The following ZNF185 variants were observed in gnomAD, a reference collection of about 807,000 sequenced individuals.
ZNF185 encodes the protein zinc finger protein 185.
A neutral mutation model predicts 58.6 loss-of-function variants in ZNF185; 56 were observed. That is an observed-to-expected ratio of 0.95 (90% CI 0.77 to 1.19). The LOEUF (loss-of-function observed/expected upper bound fraction) is 1.19. Among genes scored for constraint, ZNF185 ranks in the 50% most tolerant of loss-of-function variants. The pLI is 0.00. For missense variants in ZNF185, 627 were observed against 573.5 expected (o/e 1.09, Z -0.95); for synonymous variants, 230 against 215.9 (o/e 1.07, Z -0.57).
At chrX:152,928,657 A>C (rs1556874808) in exon 12 of ZNF185, 1 of 1,210,738 alleles carries the variant, frequency 8.3e-7, no homozygotes, top group South Asian at 1.8e-5. Flanking sequence ...CGTGGAAGGC[A>C]TGAGGTATGG....
chrX:152,921,860 G>A lies in ZNF185; in HGVS notation c.657-313G>A, dbSNP rs149868955. On this transcript the variant is annotated intron_variant, in intron 9 of 22. Transcript: ENST00000449285. ...ATTTCCCTCTTCTTACAAGGACAGC[G>A]GTCATTGGATTTAGGACCCATCCTA... 4.5e-3 allele frequency among the ~76,000 whole-genome samples: 504 copies of A among 111,429 alleles called. 4 individuals carry two copies. Among genetic ancestry groups the A allele is most frequent in the African/African-American group, 0.015 (474 of 30,602 alleles).
chrX:152,905,714 G>GC, the ZNF185 span, among the ~76,000 whole-genome samples: 296 of 76,712 alleles, frequency 3.9e-3, 2 homozygotes, highest in African/African-American at 0.018. Flanking sequence ...AGACAGGCTT[G>GC]GGGGGGGGGC....
chrX:152,935,070 G>A (rs1471935773), intron 14 of ZNF185, among the ~76,000 whole-genome samples: 1 of 111,018 alleles, frequency 9.0e-6, no homozygotes, highest in Non-Finnish European at 1.9e-5. Context: ...GCAGTCCACC[G>A]ACCTCAGCCT....
chrX:152,964,516 G>C (rs1569516991), intron 18 of ZNF185, among the ~76,000 whole-genome samples: 1 of 112,008 alleles, frequency 8.9e-6, no homozygotes, highest in Non-Finnish European at 1.9e-5. Context: ...GAAACAACCA[G>C]ATCTTGTGTG....
At position 152,914,668 on chromosome X, in the gene ZNF185, G is replaced by T. The variant is rs377077815; in HGVS notation, c.35-42G>T. The T allele has an allele frequency of 9.8e-5, 116 of 1,189,301 alleles. No homozygotes were observed. In the African/African-American group the frequency reaches 2.0e-3, roughly 20 times the overall value. On this transcript the variant is annotated intron_variant, in intron 1 of 22. Coordinates refer to ENST00000449285, the Ensembl canonical transcript of ZNF185. ...TGGAAAGGAGGTCGAGGGTCCTGGG[G>T]CTGCATTCCTCTTCTGAGGCGGTTG...
chrX:152,913,360 G>C (rs192186050), upstream of ZNF185, among the ~76,000 whole-genome samples: 170 of 112,339 alleles, frequency 1.5e-3, no homozygotes, highest in African/African-American at 5.2e-3. Context: ...AGCCTGGAGA[G>C]CCAGCTTCAT....
chrX:152,916,395 T>A (rs1470486030), intron 3 of ZNF185, among the ~76,000 whole-genome samples: 1 of 111,731 alleles, frequency 9.0e-6, no homozygotes, highest in Non-Finnish European at 1.9e-5. Flanking sequence ...TGACCACCCC[T>A]GGCTGTCAGC....
chrX:152,941,508 C>A (rs2047174840), intron 15 of ZNF185, among the ~76,000 whole-genome samples: 1 of 113,135 alleles, frequency 8.8e-6, no homozygotes, highest in African/African-American at 3.2e-5. Flanking sequence ...CCCTCACCTT[C>A]CCCGAAATCT....
rs1938641653 is a variant in ZNF185, at chrX:152,917,115, T to C, written c.225-16T>C. ...AGCAAGCCTCGCTTCACTCCACCCCTTCTTCTCTTCGGCAGGCCTCCGAGC... is the reference window on the plus strand; with the variant it reads ...AGCAAGCCTCGCTTCACTCCACCCCCTCTTCTCTTCGGCAGGCCTCCGAGC... On this transcript the variant is annotated splice_polypyrimidine_tract_variant and intron_variant, in intron 3 of 22. Coordinates refer to ENST00000449285, the Ensembl canonical transcript of ZNF185. 1.7e-6 allele frequency: 2 copies of C among 1,210,064 alleles called. No individual in the cohort carries two copies. The highest frequency in any genetic ancestry group is 3.5e-5 in the African/African-American group (2 of 57,381).
intron 15 of ZNF185, among the ~76,000 whole-genome samples, chrX:152,943,949 C>A (rs990767634): frequency 3.5e-5 from 4 of 113,061 alleles, no homozygotes; most frequent in Non-Finnish European, 7.5e-5. Flanking sequence ...TGCTGGCAAC[C>A]CTGGGACTGG....
chrX:152,898,475 C>G, the ZNF185 span, among the ~76,000 whole-genome samples: 1 of 112,697 alleles, frequency 8.9e-6, no homozygotes, highest in Non-Finnish European at 1.9e-5. Flanking sequence ...AAGTGTCCCC[C>G]TTGCCAGCCT....
chrX:152,958,691 C>T (rs187954112), intron 16 of ZNF185, among the ~76,000 whole-genome samples: 21 of 108,104 alleles, frequency 1.9e-4, no homozygotes, highest in African/African-American at 7.1e-4. Flanking sequence ...GAGATCACAC[C>T]ACTGCACTCC....
intron 12 of ZNF185, among the ~76,000 whole-genome samples, chrX:152,929,810 C>T (rs1302451409): frequency 8.9e-6 from 1 of 112,245 alleles, no homozygotes; most frequent in Non-Finnish European, 1.9e-5. Context: ...AAAGCCCCTC[C>T]CACTATGCTC....
intron 21 of ZNF185, among the ~76,000 whole-genome samples, chrX:152,969,815 G>A (rs1477649477): frequency 2.7e-5 from 3 of 112,787 alleles, no homozygotes; most frequent in Non-Finnish European, 5.6e-5. Context: ...TCTAGCTTGC[G>A]TGGGAGAATG....
chrX:152,917,338 C>T (rs1386061461), exon 5 of ZNF185: 1 of 1,211,732 alleles, frequency 8.3e-7, no homozygotes, highest in Admixed American at 2.2e-5. Flanking sequence ...CAGCAGTTCC[C>T]CAAGGCCAAC....
At chrX:152,910,870 G>C (rs115758522), upstream of ZNF185, among the ~76,000 whole-genome samples, 1,959 of 112,243 alleles carry the variant, frequency 0.017, 42 homozygotes, top group African/African-American at 0.06. Flanking sequence ...GCTTACATCC[G>C]TAGCAAGGGT....
the ZNF185 span, among the ~76,000 whole-genome samples, chrX:152,907,216 G>GC: frequency 8.9e-6 from 1 of 111,941 alleles, no homozygotes; most frequent in Non-Finnish European, 1.9e-5. Context: ...GCCTGCTGCC[G>GC]CCCCCGCTCC....
At chrX:152,910,952 C>T (rs782583519), upstream of ZNF185, among the ~76,000 whole-genome samples, 16 of 111,968 alleles carry the variant, frequency 1.4e-4, no homozygotes, top group South Asian at 7.4e-4. Context: ...GGGGAGGGGA[C>T]GGTGGATCTG....
At chrX:152,908,498 G>A in the ZNF185 span, among the ~76,000 whole-genome samples, 3 of 112,715 alleles carry the variant, frequency 2.7e-5, no homozygotes, top group Non-Finnish European at 3.8e-5. Context: ...GAGTGAGAGT[G>A]TAGGGCTGCG....
Sources: gnomAD v4.1 joint callset for allele counts (sites outside exome capture counted in the v4.1 genomes callset) on GRCh38, gnomAD v4.1.1 for gene constraint, MANE v1.5 for transcripts, NCBI Gene and HGNC (gene_info 2026-07-23, HGNC 2026-07-21) for gene names.